The following EFHB variants were observed in gnomAD, a reference collection of about 807,000 sequenced individuals.
EFHB encodes EF-hand domain family member B, also known as EF-hand domain-containing family member B.
Under a neutral mutation model 87.2 loss-of-function variants are expected in EFHB, and 91 were observed. The ratio of observed to expected loss-of-function variants is 1.04; its 90% CI spans 0.88 to 1.24. EFHB has a LOEUF of 1.24. Among genes scored for constraint, EFHB ranks in the 50% most tolerant of loss-of-function variants. The pLI, the probability that EFHB is intolerant of heterozygous loss-of-function variation, is 0.00. For synonymous variants in EFHB, 325 were observed against 333.6 expected, an observed-to-expected ratio of 0.97 and a Z score of 0.28; for missense variants, 1,084 against 998.8, an observed-to-expected ratio of 1.09 and a Z score of -1.15.
chr3:19,927,450 A>G (rs1235081299), intron 1 of EFHB, among the ~76,000 whole-genome samples: 3 of 152,158 alleles, frequency 2.0e-5, no homozygotes, highest in African/African-American at 7.2e-5. Flanking sequence ...CACATCCATG[A>G]CTGTTTTACT....
intron 8 of EFHB, among the ~76,000 whole-genome samples, chr3:19,897,608 A>C (rs1173367857): frequency 6.6e-6 from 1 of 152,148 alleles, no homozygotes; most frequent in Non-Finnish European, 1.5e-5. Context: ...AAGATGTCCT[A>C]TGTGCTGGAC....
At chr3:19,910,961 G>T (rs1695043507) in intron 5 of EFHB, among the ~76,000 whole-genome samples, 1 of 152,186 alleles carries the variant, frequency 6.6e-6, no homozygotes, top group African/African-American at 2.4e-5. Context: ...TATCTGGAAA[G>T]CATTTCCAAG....
chr3:19,934,219 T>G, upstream of EFHB: 2 of 1,433,642 alleles, frequency 1.4e-6, no homozygotes, highest in Non-Finnish European at 1.8e-6. Context: ...ATGGAGTCTG[T>G]TTATCAGGTT....
At chr3:19,926,149 AGCTGT>A (rs556013730) in intron 1 of EFHB, among the ~76,000 whole-genome samples, 8,607 of 152,232 alleles carry the variant, frequency 0.057, 801 homozygotes, top group African/African-American at 0.19. Flanking sequence ...TTCCCAAAAT[AGCTGT>A]CAGGTTCTAC....
chr3:19,937,819 C>T (rs1559479220), upstream of EFHB, among the ~76,000 whole-genome samples: 1 of 152,138 alleles, frequency 6.6e-6, no homozygotes, highest in Non-Finnish European at 1.5e-5. Flanking sequence ...TTCTGCCCTT[C>T]CCTTGGTTAT....
chr3:19,926,846 G>C lies in EFHB; in HGVS notation c.790-6279C>G, dbSNP rs544972075. 2.2e-4 allele frequency among the ~76,000 whole-genome samples: 34 copies of C among 151,646 alleles called. 2 individuals carry two copies. The highest frequency in any genetic ancestry group is 8.0e-4 in the African/African-American group (33 of 41,354). On this transcript the variant is annotated intron_variant, in intron 1 of 12. Coordinates refer to ENST00000295824, the MANE Select transcript of EFHB (RefSeq NM_144715.4). ...CGGCTAATTTTGTATTTTTAGTAGA[G>C]ACGGGGTTTCTCTATGTTGGTCAGG...
chr3:19,879,921 T>C, intron 12 of EFHB, 117 bp from the exon 13 acceptor site: 6 of 894,034 alleles, frequency 6.7e-6, no homozygotes, highest in South Asian at 1.9e-5. Context: ...GTGTGAAAAG[T>C]ATGTGTGTGT....
intron 1 of EFHB, chr3:19,943,261 C>A: frequency 3.8e-6 from 1 of 264,406 alleles, no homozygotes; most frequent in Non-Finnish European, 7.8e-6. Flanking sequence ...CTGGAAAACA[C>A]CCACACAAGA....
chr3:19,898,569 G>A (rs1199604906), intron 8 of EFHB, among the ~76,000 whole-genome samples: 1 of 152,038 alleles, frequency 6.6e-6, no homozygotes, highest in Non-Finnish European at 1.5e-5. Context: ...CTTATTACAA[G>A]GGCTTCCAAC....
chr3:19,936,230 G>T, upstream of EFHB: 2 of 816,288 alleles, frequency 2.5e-6, no homozygotes, highest in Non-Finnish European at 4.1e-6. Context: ...CACATCTGTA[G>T]TCTCAGCTAT....
At chr3:19,919,746 G>T in intron 3 of EFHB, 87 bp downstream of exon 3, 1 of 1,310,274 alleles carries the variant, frequency 7.6e-7, no homozygotes, top group Non-Finnish European at 1.1e-6. Flanking sequence ...AAGGAGATTG[G>T]AACTGATGAA....
chr3:19,883,373 T>C (rs1421547824), intron 11 of EFHB, among the ~76,000 whole-genome samples: 1 of 152,184 alleles, frequency 6.6e-6, no homozygotes. Flanking sequence ...GACAACACAG[T>C]CTAACGAGAG....
intron 1 of EFHB, chr3:19,940,438 T>C: frequency 2.1e-6 from 1 of 474,046 alleles, no homozygotes; most frequent in Non-Finnish European, 4.2e-6. Flanking sequence ...AGCCTGATTC[T>C]TATCTATCCA....
At chr3:19,899,980 G>C (rs1377765652) in intron 6 of EFHB, among the ~76,000 whole-genome samples, 1 of 152,132 alleles carries the variant, frequency 6.6e-6, no homozygotes, top group Non-Finnish European at 1.5e-5. Context: ...GGCTGAGCTA[G>C]GAAGATCGCT....
chr3:19,902,952 G>T (rs957246746), intron 6 of EFHB, among the ~76,000 whole-genome samples: 33 of 151,904 alleles, frequency 2.2e-4, no homozygotes, highest in Non-Finnish European at 3.5e-4. Flanking sequence ...TGAGGCGGGC[G>T]GATCACCTGA....
At chr3:19,905,371 T>C (rs942050232) in intron 6 of EFHB, among the ~76,000 whole-genome samples, 1 of 152,108 alleles carries the variant, frequency 6.6e-6, no homozygotes, top group Non-Finnish European at 1.5e-5. Flanking sequence ...TGCATATATG[T>C]CTTTATGTTT....
At chr3:19,898,754 T>TA in intron 8 of EFHB, 24 bp downstream of exon 8, 2 of 1,611,578 alleles carry the variant, frequency 1.2e-6, no homozygotes, top group Non-Finnish European at 1.7e-6. Flanking sequence ...TGGGGTTTTT[T>TA]ACGGAGAAAG....
intron 2 of EFHB, 138 bp downstream of exon 2, chr3:19,920,367 G>T (rs1273400200): frequency 1.4e-6 from 1 of 689,728 alleles, no homozygotes; most frequent in South Asian, 2.0e-5. Context: ...TCAATAGAAG[G>T]CCTCAAAATA....
At chr3:19,940,497 G>A (rs536122733) in intron 1 of EFHB, 21 of 504,800 alleles carry the variant, frequency 4.2e-5, no homozygotes, top group South Asian at 1.1e-4. Flanking sequence ...TGTCTTCATC[G>A]TGAATCTTGC....
Sources: gnomAD v4.1 joint callset for allele counts (sites outside exome capture counted in the v4.1 genomes callset) on GRCh38, gnomAD v4.1.1 for gene constraint, MANE v1.5 for transcripts, NCBI Gene and HGNC (gene_info 2026-07-23, HGNC 2026-07-21) for gene names.